Variants in R3HCC1L observed in about 807,000 individuals in gnomAD.
R3HCC1L encodes R3H domain and coiled-coil containing 1 like.
Under a neutral mutation model 59.9 loss-of-function variants are expected in R3HCC1L, and 51 were observed. The ratio of observed to expected loss-of-function variants is 0.85; its 90% CI spans 0.68 to 1.07. R3HCC1L has a LOEUF of 1.07. R3HCC1L is among the 50% of genes least tolerant of loss of function. The pLI, the probability that R3HCC1L is intolerant of heterozygous loss-of-function variation, is 0.00. For synonymous variants in R3HCC1L, 322 were observed against 315.2 expected (o/e 1.02, Z -0.23); for missense variants, 965 against 933.0 (o/e 1.03, Z -0.45).
intron 5 of R3HCC1L, among the ~76,000 whole-genome samples, chr10:98,217,695 A>T (rs904448985): frequency 6.6e-6 from 1 of 151,930 alleles, no homozygotes; most frequent in African/African-American, 2.4e-5. Flanking sequence ...GTTTTCTTTC[A>T]TCAGTGTTTT....
intron 1 of R3HCC1L, among the ~76,000 whole-genome samples, chr10:98,135,993 C>A (rs1417651260): frequency 6.6e-6 from 1 of 150,474 alleles, no homozygotes; most frequent in Non-Finnish European, 1.5e-5. Context: ...TTTCCCCTTA[C>A]AGAGAATGCT....
chr10:98,198,734 T>A (rs950163942), intron 4 of R3HCC1L, among the ~76,000 whole-genome samples: 2 of 152,140 alleles, frequency 1.3e-5, no homozygotes, highest in Non-Finnish European at 2.9e-5. Flanking sequence ...ATCTGTACAT[T>A]CATGGTTTAG....
intron 4 of R3HCC1L, among the ~76,000 whole-genome samples, chr10:98,171,788 C>T (rs1004057959): frequency 6.6e-6 from 1 of 152,068 alleles, no homozygotes; most frequent in African/African-American, 2.4e-5. Context: ...ACACAACATT[C>T]GATTATACAA....
intron 4 of R3HCC1L, among the ~76,000 whole-genome samples, chr10:98,173,255 G>A (rs1222598769): frequency 6.6e-6 from 1 of 152,112 alleles, no homozygotes; most frequent in Non-Finnish European, 1.5e-5. Flanking sequence ...TCTTTTGCAG[G>A]AACATTGAGC....
chr10:98,208,808 A>C lies in R3HCC1L; in HGVS notation c.694A>C (p.Asn232His), dbSNP rs1195345889. The C allele has an allele frequency of 1.2e-6, 2 of 1,613,960 alleles. No homozygotes were observed. The highest frequency in any genetic ancestry group is 2.7e-5 in the African/African-American group (2 of 74,914). Residue 232 changes from asparagine to histidine, a missense_variant, in exon 5 of 10, where the codon AAT becomes CAT. By Grantham distance (68) the Asn-to-His change is moderately conservative. Coordinates refer to ENST00000298999, the MANE Select transcript of R3HCC1L (RefSeq NM_001351015.2). Reference sequence around the variant, plus strand: ...TTTTAGTTCTGTCATGAAACCTGAGAATATGATTGTACCAATAAAACTAAG... The same window carrying C: ...TTTTAGTTCTGTCATGAAACCTGAGCATATGATTGTACCAATAAAACTAAG... The part of the protein sequence containing the change: ...RVFSSVMKPE[N>H]MIVPIKLSSD...
Position 98,161,244 on chromosome 10 carries a change from A to G in R3HCC1L, c.-212-1639A>G, listed in dbSNP as rs1285433269. Among the ~76,000 whole-genome samples the G allele has an allele frequency of 2.0e-5, 3 of 152,232 alleles. No homozygotes were observed. The East Asian group carries it at 5.8e-4, about 29-fold the overall frequency. ...TTGATAGGTAAGAAATAGTATCTCA[A>G]TATAGTTTTAATGTTTGTTTCTCTT... is the stretch of plus-strand genomic sequence containing the variant. On this transcript the variant is annotated intron_variant, in intron 2 of 9. Transcript: ENST00000298999.
chr10:98,194,870 G>T (rs1851252740), intron 4 of R3HCC1L, among the ~76,000 whole-genome samples: 1 of 152,172 alleles, frequency 6.6e-6, no homozygotes, highest in Non-Finnish European at 1.5e-5. Flanking sequence ...CTGTTGGTGG[G>T]ATTGTACAAT....
chr10:98,185,561 C>T (rs1850143689), intron 4 of R3HCC1L, among the ~76,000 whole-genome samples: 1 of 151,910 alleles, frequency 6.6e-6, no homozygotes, highest in Non-Finnish European at 1.5e-5. Context: ...AGAGATTATC[C>T]AGTAGCTAAG....
At chr10:98,153,230 A>T (rs535923257) in intron 1 of R3HCC1L, among the ~76,000 whole-genome samples, 7 of 152,332 alleles carry the variant, frequency 4.6e-5, no homozygotes, top group Non-Finnish European at 8.8e-5. Context: ...GTGTAGAAAG[A>T]AGTAGACATG....
intron 4 of R3HCC1L, among the ~76,000 whole-genome samples, chr10:98,173,897 A>G (rs1455124355): frequency 6.6e-6 from 1 of 152,166 alleles, no homozygotes. Flanking sequence ...AAGAGTATCT[A>G]ACGTGTTTTT....
Position 98,209,657 on chromosome 10 carries a change from A to T in R3HCC1L, c.1543A>T (p.Thr515Ser). 1 of 1,614,070 alleles carries T rather than the reference A, an allele frequency of 6.2e-7. No individual in the cohort carries two copies. The highest frequency in any genetic ancestry group is 2.2e-5 in the East Asian group (1 of 44,876). Residue 515 changes from threonine to serine, a missense_variant, in exon 5 of 10, where the codon ACA becomes TCA. Coordinates refer to ENST00000298999, the MANE Select transcript of R3HCC1L (RefSeq NM_001351015.2). ...CATTGACCTGGGTAGTACTGGTGAT[A>T]CAACAGAAGCATTGCACGAACTAAG... Reference protein sequence around the residue: ...VGIDLGSTGDTTEALHELRTA... With the variant: ...VGIDLGSTGDSTEALHELRTA...
intron 4 of R3HCC1L, among the ~76,000 whole-genome samples, chr10:98,175,259 G>A (rs1848895132): frequency 6.6e-6 from 1 of 152,108 alleles, no homozygotes; most frequent in Non-Finnish European, 1.5e-5. Context: ...AAATTAAAGG[G>A]TCAGTGCTGT....
At chr10:98,226,171 A>G (rs1855653808) in intron 5 of R3HCC1L, among the ~76,000 whole-genome samples, 1 of 152,156 alleles carries the variant, frequency 6.6e-6, no homozygotes, top group Non-Finnish European at 1.5e-5. Flanking sequence ...TATTTCTAAG[A>G]TATTTTGTGA....
intron 4 of R3HCC1L, among the ~76,000 whole-genome samples, chr10:98,178,410 T>G (rs901340724): frequency 6.6e-6 from 1 of 152,182 alleles, no homozygotes; most frequent in Non-Finnish European, 1.5e-5. Context: ...TCTGTTCTGT[T>G]CCATTGGTCT....
chr10:98,239,785 C>T (rs763284501), intron 9 of R3HCC1L, among the ~76,000 whole-genome samples: 24 of 152,152 alleles, frequency 1.6e-4, no homozygotes, highest in African/African-American at 2.2e-4. Flanking sequence ...GCAGCCTCAA[C>T]GTCCCAGGCA....
At chr10:98,206,501 CAG>C (rs1852682220) in intron 4 of R3HCC1L, among the ~76,000 whole-genome samples, 1 of 152,008 alleles carries the variant, frequency 6.6e-6, no homozygotes, top group African/African-American at 2.4e-5. Flanking sequence ...GATAAGCACT[CAG>C]TGTTTATTGT....
At position 98,235,490 on chromosome 10, in the gene R3HCC1L, G is replaced by A. The variant is rs35145638; in HGVS notation, c.2098G>A (p.Ala700Thr). The A allele has an allele frequency of 1.2e-5, 20 of 1,613,538 alleles. 1 individual carries two copies. In the South Asian group the frequency reaches 2.0e-4, roughly 16 times the overall value. The change falls in exon 8 of 10, where the codon GCA becomes ACA. Residue 700 changes from alanine (A) to threonine (T), a missense_variant. By Grantham distance (58) the Ala-to-Thr change is moderately conservative. Coordinates refer to ENST00000298999, the MANE Select transcript of R3HCC1L (RefSeq NM_001351015.2). ...KIRPLSQATR[A>T]AKAKARAYAE... The stretch of plus-strand genomic sequence containing the variant: ...TCGTCCCTTGTCACAGGCCACAAGA[G>A]CAGCCAAGGCCAAAGCTAGAGCTTA...
rs1362083962 is a variant in R3HCC1L at position 98,209,638 on chromosome 10, C to CCT, written c.1525_1526dup (p.Gly510TrpfsTer14). On this transcript the variant is annotated frameshift_variant, in exon 5 of 10. Transcript: ENST00000298999. LOFTEE classifies it high-confidence loss of function. ...TTTCAGACAGTGCCGTGGGCATTGACCTGGGTAGTACTGGTGATACAACAG... is the reference window on the plus strand; with the variant it reads ...TTTCAGACAGTGCCGTGGGCATTGACCTCTGGGTAGTACTGGTGATACAACAG... 5.6e-6 allele frequency: 9 copies of CCT among 1,613,994 alleles called. No individual in the cohort carries two copies. The highest frequency in any genetic ancestry group is 7.6e-6 in the Non-Finnish European group (9 of 1,179,952).
intron 4 of R3HCC1L, among the ~76,000 whole-genome samples, chr10:98,176,028 A>G (rs924578095): frequency 2.6e-5 from 4 of 152,068 alleles, no homozygotes; most frequent in African/African-American, 7.2e-5. Context: ...TTTTTTGGAA[A>G]GACTCTCTTT....
Sources: allele counts gnomAD v4.1 joint callset (sites outside exome capture counted in the v4.1 genomes callset), GRCh38; gene constraint gnomAD v4.1.1; transcripts MANE v1.5; gene names NCBI Gene and HGNC (gene_info 2026-07-23, HGNC 2026-07-21).